WASL: variants seen among roughly 807,000 people sequenced by gnomAD.
The protein encoded by WASL is actin nucleation-promoting factor WASL.
In WASL, 20 loss-of-function variants were observed where a neutral mutation model predicts 55.5. The observed-to-expected ratio is 0.36, with a 90% CI of 0.25 to 0.52. The LOEUF (loss-of-function observed/expected upper bound fraction) is 0.52, where lower values mean the gene tolerates loss of function less well. Among genes scored for constraint, WASL ranks in the 20% least tolerant of loss-of-function variants. The pLI is 0.92. For missense variants in WASL, 504 were observed against 622.5 expected, an observed-to-expected ratio of 0.81 and a Z score of 2.03; for synonymous variants, 249 against 217.6, an observed-to-expected ratio of 1.14 and a Z score of -1.27.
At chr7:123,704,410 G>A (rs1803635709) in intron 5 of WASL, among the ~76,000 whole-genome samples, 1 of 151,970 alleles carries the variant, frequency 6.6e-6, no homozygotes, top group Non-Finnish European at 1.5e-5. Context: ...AAAGAATATT[G>A]TTTCCTAAGT....
At chr7:123,701,417 A>G (rs1803587193) in intron 5 of WASL, among the ~76,000 whole-genome samples, 2 of 152,208 alleles carry the variant, frequency 1.3e-5, no homozygotes, top group Admixed American at 6.5e-5. Context: ...ACCAAGGAAA[A>G]CAGTTGAAAA....
At chr7:123,734,993 C>A (rs1273360209) in intron 1 of WASL, among the ~76,000 whole-genome samples, 1 of 151,824 alleles carries the variant, frequency 6.6e-6, no homozygotes, top group African/African-American at 2.4e-5. Context: ...TAAAAAAATG[C>A]ATGCCAGCTA....
rs1029225175 is a variant in WASL at position 123,684,633 on chromosome 7, A to G, written c.1457-53T>C. On this transcript the variant is annotated intron_variant, in intron 10 of 10. Coordinates refer to ENST00000223023, the MANE Select transcript of WASL (RefSeq NM_003941.4). ...ATATGCATAAATAAAATGACATTAC[A>G]TAATTCTTGGGTGGTTTCTCCAATT... The G allele has an allele frequency of 1.2e-5, 18 of 1,476,380 alleles. No individual in the cohort carries two copies. The African/African-American group carries it at 2.1e-4, about 18-fold the overall frequency. 91.5% of individuals were successfully genotyped at this position (1,476,380 alleles called of 1,614,324 possible). A position where few individuals can be genotyped will look rare whatever the true frequency, so the allele number is the denominator to read the frequency against.
chr7:123,733,341 T>A (rs1804172387), intron 1 of WASL, among the ~76,000 whole-genome samples: 2 of 152,146 alleles, frequency 1.3e-5, no homozygotes, highest in Admixed American at 1.3e-4. Flanking sequence ...ATATGCAAAG[T>A]CAACTGCTTT....
intron 9 of WASL, among the ~76,000 whole-genome samples, chr7:123,691,833 A>G (rs1224411339): frequency 6.6e-6 from 1 of 152,220 alleles, no homozygotes; most frequent in Non-Finnish European, 1.5e-5. Context: ...TTGGAACATG[A>G]TTTAATTTTC....
intron 1 of WASL, among the ~76,000 whole-genome samples, chr7:123,735,956 A>C (rs901955255): frequency 2.0e-5 from 3 of 152,128 alleles, no homozygotes; most frequent in Non-Finnish European, 2.9e-5. Context: ...GAATAAGAAA[A>C]CTGCACAAAG....
intron 5 of WASL, among the ~76,000 whole-genome samples, chr7:123,697,742 T>C (rs1803515081): frequency 6.6e-6 from 1 of 152,224 alleles, no homozygotes; most frequent in African/African-American, 2.4e-5. Context: ...AGGTTGGCCC[T>C]CAGTTGACCA....
chr7:123,696,412 TAAA>T (rs367962329), intron 6 of WASL, among the ~76,000 whole-genome samples, 164 bp downstream of exon 6: 1 of 136,260 alleles, frequency 7.3e-6, no homozygotes. Flanking sequence ...GCAGCTGCCT[TAAA>T]AAAAAAAAAA....
Position 123,681,979 on chromosome 7 carries a change from G to A in WASL, c.*2540C>T, listed in dbSNP as rs1474975714. On this transcript the variant is annotated 3_prime_UTR_variant, in exon 11 of 11. Coordinates refer to ENST00000223023, the MANE Select transcript of WASL (RefSeq NM_003941.4). ...TCAAATTAATTTTATTATGCTCCAT[G>A]ATGAATTGCCACCAGTGCAACATCC... 1.3e-5 allele frequency: 2 copies of A among 152,080 alleles called. No homozygotes were observed. The highest frequency in any genetic ancestry group is 2.9e-5 in the Non-Finnish European group (2 of 68,004). The allele number at this position is 152,080 out of a possible 1,614,324, so 9.4% of individuals were successfully genotyped here.
intron 1 of WASL, 110 bp from the exon 2 acceptor site, chr7:123,709,333 T>A (rs1803720277): frequency 1.2e-6 from 1 of 813,278 alleles, no homozygotes; most frequent in Non-Finnish European, 1.8e-6. Flanking sequence ...CCTAAATTCC[T>A]GATTCACAGA....
At chr7:123,696,276 T>G (rs1803490759) in intron 6 of WASL, among the ~76,000 whole-genome samples, 1 of 152,046 alleles carries the variant, frequency 6.6e-6, no homozygotes, top group Non-Finnish European at 1.5e-5. Context: ...TAAATGCTAT[T>G]TTTAGAGCAA....
chr7:123,714,912 G>A (rs1396295555), intron 1 of WASL, among the ~76,000 whole-genome samples: 1 of 152,170 alleles, frequency 6.6e-6, no homozygotes, highest in Non-Finnish European at 1.5e-5. Flanking sequence ...AGTAAGTATG[G>A]AGGAAATGGC....
intron 1 of WASL, among the ~76,000 whole-genome samples, chr7:123,711,023 T>G (rs1803746321): frequency 6.6e-6 from 1 of 152,182 alleles, no homozygotes; most frequent in African/African-American, 2.4e-5. Flanking sequence ...GCTGTCAAAA[T>G]ACATTCATTT....
At chr7:123,707,761 A>T in intron 2 of WASL, among the ~76,000 whole-genome samples, 1 of 152,238 alleles carries the variant, frequency 6.6e-6, no homozygotes, top group East Asian at 1.9e-4. Flanking sequence ...GGTTTCTTTC[A>T]AACTACGTAT....
In WASL at chr7:123,739,910, GTGTGTA is replaced by G. The variant is rs766706804; in HGVS notation, c.117+8702_117+8707del. Reference sequence around the variant, plus strand: ...TGTGTGTGTGTGTGTGTGTGTGTGTGTGTGTATATATATATATATATGCTGGTTTGC... The same window carrying G: ...TGTGTGTGTGTGTGTGTGTGTGTGTGTATATATATATATATGCTGGTTTGC... On this transcript the variant is annotated intron_variant, in intron 1 of 10. Coordinates refer to ENST00000223023, the MANE Select transcript of WASL (RefSeq NM_003941.4). 4.8e-3 allele frequency among the ~76,000 whole-genome samples: 279 copies of G among 58,208 alleles called. 1 individual carries two copies. Among genetic ancestry groups the G allele is most frequent in the Middle Eastern group, 0.048 (4 of 84 alleles). The allele number at this position is 58,208 out of a possible 152,430, so 38.2% of individuals were successfully genotyped here.
chr7:123,745,799 C>T (rs967482840), intron 1 of WASL, among the ~76,000 whole-genome samples: 6 of 152,010 alleles, frequency 3.9e-5, no homozygotes, highest in Admixed American at 2.0e-4. Context: ...CCCTAACAAA[C>T]CTAACAAACT....
intron 1 of WASL, among the ~76,000 whole-genome samples, chr7:123,738,340 T>C (rs1417221095): frequency 6.6e-6 from 1 of 152,166 alleles, no homozygotes; most frequent in Non-Finnish European, 1.5e-5. Flanking sequence ...GAATAGCACT[T>C]TAGCACTTGG....
intron 1 of WASL, among the ~76,000 whole-genome samples, chr7:123,736,705 T>C (rs1007110982): frequency 3.3e-5 from 5 of 152,294 alleles, no homozygotes; most frequent in East Asian, 1.9e-4. Flanking sequence ...GGGTAATGTA[T>C]ATATAAGAAA....
chr7:123,694,371 T>G (rs1465206106), intron 8 of WASL, among the ~76,000 whole-genome samples: 1 of 152,172 alleles, frequency 6.6e-6, no homozygotes, highest in Non-Finnish European at 1.5e-5. Flanking sequence ...AATTAGAAAG[T>G]GATTATATTT....
Sources: gnomAD v4.1 joint callset for allele counts (sites outside exome capture counted in the v4.1 genomes callset) on GRCh38, gnomAD v4.1.1 for gene constraint, MANE v1.5 for transcripts, NCBI Gene and HGNC (gene_info 2026-07-23, HGNC 2026-07-21) for gene names.